COL21A1: variants seen among roughly 807,000 people sequenced by gnomAD.
COL21A1 encodes the protein collagen alpha-1(XXI) chain.
COL21A1 carries 149 observed loss-of-function variants against 137.9 expected under a neutral mutation model. The observed-to-expected ratio is 1.08, with a 90% CI of 0.95 to 1.24. The LOEUF (loss-of-function observed/expected upper bound fraction) is 1.24. COL21A1 is among the 50% of genes most tolerant of loss of function. The pLI, the probability that COL21A1 is intolerant of heterozygous loss-of-function variation, is 0.00. For missense variants in COL21A1, 1,167 were observed against 1,158.4 expected (o/e 1.01, Z -0.11); for synonymous variants, 456 against 391.5 (o/e 1.16, Z -1.95).
At chr6:56,205,677 T>C (rs544964994) in intron 1 of COL21A1, among the ~76,000 whole-genome samples, 1 of 152,144 alleles carries the variant, frequency 6.6e-6, no homozygotes, top group African/African-American at 2.4e-5. Flanking sequence ...CCAGGACACA[T>C]AATCGTCACA....
chr6:56,063,079 GCCCTGGGTACT>G (rs1462721809), intron 24 of COL21A1, among the ~76,000 whole-genome samples: 1 of 152,066 alleles, frequency 6.6e-6, no homozygotes, highest in Non-Finnish European at 1.5e-5. Flanking sequence ...AGCTGCTCTG[GCCCTGGGTACT>G]CCATGTAGGC....
chr6:56,141,876 G>A (rs777595740), intron 11 of COL21A1, 38 bp from the exon 12 acceptor site: 2 of 1,605,636 alleles, frequency 1.2e-6, no homozygotes, highest in African/African-American at 1.3e-5. Context: ...TTAATTATCG[G>A]TTTTAGTTCA....
intron 16 of COL21A1, among the ~76,000 whole-genome samples, chr6:56,113,285 A>T (rs1771612574): frequency 6.6e-6 from 1 of 152,038 alleles, no homozygotes; most frequent in Non-Finnish European, 1.5e-5. Flanking sequence ...TCCAAAAGAG[A>T]CCCCTTCCTT....
At chr6:56,209,899 G>C (rs985704428) in intron 1 of COL21A1, among the ~76,000 whole-genome samples, 1 of 152,170 alleles carries the variant, frequency 6.6e-6, no homozygotes, top group Non-Finnish European at 1.5e-5. Flanking sequence ...ATGATAGACT[G>C]GATTAAGAAA....
intron 1 of COL21A1, among the ~76,000 whole-genome samples, chr6:56,186,841 T>A (rs77657521): frequency 3.9e-5 from 6 of 152,302 alleles, no homozygotes; most frequent in African/African-American, 1.4e-4. Flanking sequence ...ATTATTAACA[T>A]GTCCACCCTC....
intron 19 of COL21A1, 39 bp downstream of exon 19, chr6:56,075,440 C>A: frequency 6.6e-7 from 1 of 1,508,362 alleles, no homozygotes; most frequent in South Asian, 1.3e-5. Context: ...AGCAACACTG[C>A]AAACACTTTG....
At position 56,157,544 on chromosome 6, in the gene COL21A1, C is replaced by T. The variant is rs565631940; in HGVS notation, c.1372-595G>A. On this transcript the variant is annotated intron_variant, in intron 9 of 29. Transcript: ENST00000244728. ...CAGTCTGGTCTTGAACTCCTGACTT[C>T]AAGTGATCTGTCTGCCTCAGCCTTC... Among the ~76,000 whole-genome samples, 19 of 152,148 alleles carry T rather than the reference C, an allele frequency of 1.2e-4. No homozygotes were observed. In the South Asian group the frequency reaches 3.7e-3, roughly 30 times the overall value.
chr6:56,162,317 C>T (rs1189891050), intron 9 of COL21A1, among the ~76,000 whole-genome samples: 1 of 152,072 alleles, frequency 6.6e-6, no homozygotes, highest in Non-Finnish European at 1.5e-5. Flanking sequence ...GGCACGCCAA[C>T]TTGAAGATTG....
chr6:56,258,058 CTTATT>C (rs920298896), intron 1 of COL21A1, among the ~76,000 whole-genome samples: 1 of 151,914 alleles, frequency 6.6e-6, no homozygotes, highest in East Asian at 1.9e-4. Flanking sequence ...ATAAGTACAT[CTTATT>C]TTATGATAAA....
At chr6:56,391,483 CA>C (rs1271954553) in intron 1 of COL21A1, among the ~76,000 whole-genome samples, 2 of 151,616 alleles carry the variant, frequency 1.3e-5, no homozygotes, top group African/African-American at 4.8e-5. Flanking sequence ...CACAAAGTAT[CA>C]ATAAAATGAA....
At chr6:56,167,958 A>G (rs966912025) in intron 6 of COL21A1, among the ~76,000 whole-genome samples, 166 bp downstream of exon 6, 2 of 152,170 alleles carry the variant, frequency 1.3e-5, no homozygotes, top group Non-Finnish European at 2.9e-5. Flanking sequence ...GCATTTTAAT[A>G]CATATACATA....
At chr6:56,066,169 T>C (rs571678113) in intron 23 of COL21A1, among the ~76,000 whole-genome samples, 1 of 152,018 alleles carries the variant, frequency 6.6e-6, no homozygotes, top group African/African-American at 2.4e-5. Context: ...TTACTTAACA[T>C]TTACCTCACT....
At chr6:56,310,658 C>T (rs1216479905) in intron 1 of COL21A1, among the ~76,000 whole-genome samples, 3 of 151,918 alleles carry the variant, frequency 2.0e-5, no homozygotes, top group Non-Finnish European at 4.4e-5. Flanking sequence ...ACTTAGAGGC[C>T]ACTTACAAAT....
At chr6:56,211,187 GTATATA>G (rs200684085) in intron 1 of COL21A1, among the ~76,000 whole-genome samples, 2 of 17,092 alleles carry the variant, frequency 1.2e-4, no homozygotes, top group Non-Finnish European at 3.0e-4. Flanking sequence ...ACATATATAT[GTATATA>G]TGTATATATA....
chr6:56,350,143 G>A (rs1374959369), intron 1 of COL21A1, among the ~76,000 whole-genome samples: 1 of 152,192 alleles, frequency 6.6e-6, no homozygotes, highest in Non-Finnish European at 1.5e-5. Context: ...AAAATTATCA[G>A]AAGGAATCTA....
At chr6:56,085,119 A>G (rs192858564) in intron 17 of COL21A1, among the ~76,000 whole-genome samples, 2 of 152,144 alleles carry the variant, frequency 1.3e-5, no homozygotes, top group Admixed American at 1.3e-4. Context: ...CAGTCATAGA[A>G]CTTTTCTAAA....
At chr6:56,152,399 A>C (rs2152251893) in intron 10 of COL21A1, among the ~76,000 whole-genome samples, 2 of 152,324 alleles carry the variant, frequency 1.3e-5, no homozygotes, top group Non-Finnish European at 2.9e-5. Context: ...ATGTAAAGTA[A>C]CACATTTACA....
intron 1 of COL21A1, among the ~76,000 whole-genome samples, chr6:56,283,125 A>G (rs2078579233): frequency 6.6e-6 from 1 of 152,190 alleles, no homozygotes; most frequent in Non-Finnish European, 1.5e-5. Flanking sequence ...GACTTTCTGA[A>G]GTAAGGACAC....
At chr6:56,120,283 A>C (rs1033704906) in intron 16 of COL21A1, among the ~76,000 whole-genome samples, 4 of 152,244 alleles carry the variant, frequency 2.6e-5, no homozygotes, top group African/African-American at 9.6e-5. Flanking sequence ...CAAATGGCAA[A>C]CAGGCATATG....
Sources: allele counts gnomAD v4.1 joint callset (sites outside exome capture counted in the v4.1 genomes callset), GRCh38; gene constraint gnomAD v4.1.1; transcripts MANE v1.5; gene names NCBI Gene and HGNC (gene_info 2026-07-23, HGNC 2026-07-21).